The following ERC1 variants were observed in gnomAD, a reference collection of about 807,000 sequenced individuals.
The protein encoded by ERC1 is RAB6 interacting protein 2.
A neutral mutation model predicts 132.0 loss-of-function variants in ERC1; 56 were observed. The ratio of observed to expected loss-of-function variants is 0.42; its 90% confidence interval spans 0.34 to 0.53. The LOEUF is 0.53. Ranked by LOEUF, ERC1 falls within the 20% of genes least tolerant of loss-of-function variation. The probability of loss-of-function intolerance (pLI) is 0.03; values close to 1 mark genes in which losing one functional copy is unlikely to be tolerated. For synonymous variants in ERC1, 478 were observed against 476.1 expected, an observed-to-expected ratio of 1.00 and a Z score of -0.05; for missense variants, 1,202 against 1,349.9, an observed-to-expected ratio of 0.89 and a Z score of 1.72.
chr12:1,064,691 T>G (rs1302902075), intron 2 of ERC1, among the ~76,000 whole-genome samples: 1 of 152,160 alleles, frequency 6.6e-6, no homozygotes, highest in African/African-American at 2.4e-5. Flanking sequence ...CCGTGTTCAG[T>G]GTAGAATTCT....
chr12:1,377,588 G>C (rs16928381), intron 16 of ERC1, among the ~76,000 whole-genome samples: 1 of 151,936 alleles, frequency 6.6e-6, no homozygotes, highest in African/African-American at 2.4e-5. Flanking sequence ...TGTTGTTAGC[G>C]AAAAGAAAAT....
chr12:1,483,103 C>T (rs1215885744), intron 18 of ERC1, among the ~76,000 whole-genome samples: 1 of 152,050 alleles, frequency 6.6e-6, no homozygotes, highest in Non-Finnish European at 1.5e-5. Flanking sequence ...TCGAGACCAG[C>T]CTGGGCAACA....
chr12:1,003,189 G>C (rs1426777315), intron 1 of ERC1, among the ~76,000 whole-genome samples: 2 of 150,618 alleles, frequency 1.3e-5, no homozygotes, highest in East Asian at 3.9e-4. Context: ...AGATTAATTT[G>C]GGTAGAATTA....
intron 2 of ERC1, among the ~76,000 whole-genome samples, chr12:1,050,476 T>G (rs1971751662): frequency 1.3e-5 from 2 of 152,186 alleles, no homozygotes; most frequent in African/African-American, 4.8e-5. Flanking sequence ...TTGTTAAAAT[T>G]TCTGGATCCC....
intron 13 of ERC1, among the ~76,000 whole-genome samples, chr12:1,246,557 A>G (rs2076170705): frequency 6.6e-6 from 1 of 152,234 alleles, no homozygotes; most frequent in South Asian, 2.1e-4. Flanking sequence ...TTGAGGTTAA[A>G]CATGGCTTTC....
intron 1 of ERC1, among the ~76,000 whole-genome samples, chr12:995,749 G>A (rs118125097): frequency 1.4e-3 from 212 of 152,186 alleles, no homozygotes; most frequent in Non-Finnish European, 2.6e-3. Context: ...ACCTTTTTAG[G>A]CATTGGGGAT....
chr12:1,367,699 A>G (rs2086792381), intron 15 of ERC1, among the ~76,000 whole-genome samples: 1 of 152,108 alleles, frequency 6.6e-6, no homozygotes, highest in Admixed American at 6.6e-5. Context: ...GGGTGGTCTT[A>G]CTATTTCCTG....
At chr12:1,225,320 T>G (rs191802027) in intron 12 of ERC1, among the ~76,000 whole-genome samples, 14 of 151,946 alleles carry the variant, frequency 9.2e-5, no homozygotes, top group African/African-American at 3.4e-4. Context: ...CATGGTGATG[T>G]GTGCCTATAG....
At chr12:1,484,043 C>A (rs370923592) in intron 18 of ERC1, among the ~76,000 whole-genome samples, 1 of 147,844 alleles carries the variant, frequency 6.8e-6, no homozygotes, top group African/African-American at 2.5e-5. Context: ...TGGTGGCTCA[C>A]GCCTGTAATC....
chr12:1,359,178 G>T (rs1271455246), intron 15 of ERC1, among the ~76,000 whole-genome samples: 1 of 152,178 alleles, frequency 6.6e-6, no homozygotes, highest in South Asian at 2.1e-4. Flanking sequence ...CTTTCTCCCT[G>T]AGGATCAGTA....
intron 16 of ERC1, among the ~76,000 whole-genome samples, chr12:1,404,169 G>A (rs1273531021): frequency 4.6e-5 from 7 of 152,276 alleles, no homozygotes; most frequent in East Asian, 1.9e-4. Context: ...CAGCAGATTC[G>A]GTGTCTGATG....
At chr12:1,405,980 G>A (rs2091464174) in intron 16 of ERC1, among the ~76,000 whole-genome samples, 1 of 152,098 alleles carries the variant, frequency 6.6e-6, no homozygotes, top group Admixed American at 6.5e-5. Flanking sequence ...ATACATATAT[G>A]TGTAATTTTT....
intron 1 of ERC1, among the ~76,000 whole-genome samples, chr12:1,002,978 C>T (rs934385213): frequency 2.6e-5 from 4 of 151,642 alleles, no homozygotes; most frequent in Admixed American, 2.0e-4. Context: ...AGGCCAGGCA[C>T]CGTGGCTCAT....
chr12:1,493,548 A>AAAAAAAAAAATATATATATATAT lies in ERC1; in HGVS notation c.*3319_*3320insAAAAAAAAATATATATATATATA, dbSNP rs56939346. The AAAAAAAAAAATATATATATATAT allele has an allele frequency of 1.5e-4, 2 of 13,618 alleles. No individual in the cohort carries two copies. Among genetic ancestry groups the AAAAAAAAAAATATATATATATAT allele is most frequent in the Non-Finnish European group, 1.5e-4 (1 of 6,820 alleles). The allele number at this position is 13,618 out of a possible 1,614,324, so 0.8% of individuals were successfully genotyped here. ...ACTCCATTTAAAAAAAAAAAAAAAAAATATATATATATATATATATATATA... is the reference window on the plus strand; with the variant it reads ...ACTCCATTTAAAAAAAAAAAAAAAAAAAAAAAAAAATATATATATATATATATATATATATATATATATATATA... On this transcript the variant is annotated 3_prime_UTR_variant, in exon 19 of 19. Coordinates refer to ENST00000360905, the MANE Select transcript of ERC1 (RefSeq NM_178040.4).
chr12:1,344,363 A>AG, intron 15 of ERC1, among the ~76,000 whole-genome samples: 1 of 152,064 alleles, frequency 6.6e-6, no homozygotes, highest in Non-Finnish European at 1.5e-5. Flanking sequence ...AGTGGGAGAA[A>AG]GGGGGGAAAG....
intron 11 of ERC1, among the ~76,000 whole-genome samples, chr12:1,188,176 C>T (rs1955322436): frequency 6.6e-6 from 1 of 152,192 alleles, no homozygotes; most frequent in African/African-American, 2.4e-5. Flanking sequence ...CAAGCTGCCT[C>T]CTATTGCCTA....
At chr12:1,182,179 T>C in intron 10 of ERC1, 114 bp downstream of exon 10, 1 of 991,794 alleles carries the variant, frequency 1.0e-6, no homozygotes, top group Non-Finnish European at 1.4e-6. Flanking sequence ...TTCTTAATAT[T>C]CTTTTAGCAG....
chr12:1,429,181 G>T (rs561986147), intron 17 of ERC1, among the ~76,000 whole-genome samples: 143 of 152,278 alleles, frequency 9.4e-4, no homozygotes, highest in African/African-American at 3.0e-3. Context: ...CAAACTTTTT[G>T]CAGGAGGAGG....
intron 15 of ERC1, among the ~76,000 whole-genome samples, chr12:1,338,116 T>A (rs1238497315): frequency 1.3e-5 from 2 of 152,204 alleles, no homozygotes; most frequent in East Asian, 3.8e-4. Context: ...ATGGATGATA[T>A]CCTGAAATAC....
Sources: gnomAD v4.1 joint callset for allele counts (sites outside exome capture counted in the v4.1 genomes callset) on GRCh38, gnomAD v4.1.1 for gene constraint, MANE v1.5 for transcripts, NCBI Gene and HGNC (gene_info 2026-07-23, HGNC 2026-07-21) for gene names.